Variants in JAK1 observed in about 807,000 individuals in gnomAD.
JAK1 encodes Janus kinase 1.
In JAK1, 16 loss-of-function variants were observed where a neutral mutation model predicts 136.6. The ratio of observed to expected loss-of-function variants is 0.12; its 90% confidence interval spans 0.08 to 0.18. JAK1 has a LOEUF of 0.18. JAK1 is among the 10% of genes least tolerant of loss of function. The pLI is 1.00. For missense variants in JAK1, 859 were observed against 1,450.1 expected (o/e 0.59, Z 6.62); for synonymous variants, 492 against 519.5 (o/e 0.95, Z 0.72).
At chr1:65,012,093 G>A (rs2100772311) in intron 2 of JAK1, among the ~76,000 whole-genome samples, 1 of 152,310 alleles carries the variant, frequency 6.6e-6, no homozygotes, top group East Asian at 1.9e-4. Context: ...CACAGAACCT[G>A]GCTCAGCTGA....
At chr1:64,977,280 C>T (rs1480222550) in intron 2 of JAK1, among the ~76,000 whole-genome samples, 1 of 152,030 alleles carries the variant, frequency 6.6e-6, no homozygotes, top group Non-Finnish European at 1.5e-5. Context: ...TCCCAAGTAG[C>T]TATGACTGCA....
chr1:64,970,776 A>T (rs1646444811), upstream of JAK1, among the ~76,000 whole-genome samples: 1 of 151,696 alleles, frequency 6.6e-6, no homozygotes, highest in Non-Finnish European at 1.5e-5. Context: ...AAAAAAAAAA[A>T]TGCCACTCAG....
intron 5 of JAK1, among the ~76,000 whole-genome samples, chr1:64,873,019 C>T (rs1203163718): frequency 1.3e-5 from 2 of 152,276 alleles, no homozygotes; most frequent in Non-Finnish European, 2.9e-5. Context: ...GAAGTGCCTT[C>T]TTCAGCCCTG....
At chr1:64,906,843 C>G (rs1363227826) in intron 1 of JAK1, among the ~76,000 whole-genome samples, 1 of 152,186 alleles carries the variant, frequency 6.6e-6, no homozygotes, top group Admixed American at 6.5e-5. Flanking sequence ...TGCTATTCCA[C>G]ACTACCTCTT....
intron 1 of JAK1, among the ~76,000 whole-genome samples, chr1:64,920,988 C>T (rs1456332638): frequency 6.6e-6 from 1 of 152,118 alleles, no homozygotes; most frequent in African/African-American, 2.4e-5. Context: ...TTTATAAATG[C>T]TATGCTTTAA....
chr1:64,856,721 C>A (rs1474773097), intron 10 of JAK1, among the ~76,000 whole-genome samples: 1 of 152,232 alleles, frequency 6.6e-6, no homozygotes, highest in Admixed American at 6.5e-5. Flanking sequence ...CGAGGCCCAG[C>A]TGTTCAGCAA....
At chr1:64,893,466 C>A (rs565952413) in intron 1 of JAK1, among the ~76,000 whole-genome samples, 1 of 152,274 alleles carries the variant, frequency 6.6e-6, no homozygotes, top group East Asian at 1.9e-4. Flanking sequence ...TTGGAGTCAC[C>A]CTAACCTGGG....
intron 8 of JAK1, among the ~76,000 whole-genome samples, chr1:64,861,764 G>GGA (rs1490357450): frequency 6.6e-6 from 1 of 152,146 alleles, no homozygotes; most frequent in Non-Finnish European, 1.5e-5. Context: ...CTATGAGGAA[G>GGA]GAGGCCTGGA....
chr1:64,864,068 G>C (rs1182849966), intron 8 of JAK1, among the ~76,000 whole-genome samples: 1 of 152,174 alleles, frequency 6.6e-6, no homozygotes, highest in Non-Finnish European at 1.5e-5. Context: ...CGTATCACCA[G>C]GCTCTTCCTC....
At chr1:65,003,306 G>T (rs974394214) in intron 2 of JAK1, among the ~76,000 whole-genome samples, 4 of 152,010 alleles carry the variant, frequency 2.6e-5, no homozygotes, top group Admixed American at 2.0e-4. Flanking sequence ...TCACGAGCTC[G>T]CTGGCCCGCC....
chr1:64,995,610 C>T (rs1014997403), intron 2 of JAK1, among the ~76,000 whole-genome samples: 1 of 152,084 alleles, frequency 6.6e-6, no homozygotes, highest in Non-Finnish European at 1.5e-5. Context: ...AAACTATTTC[C>T]CCTAATACTT....
At chr1:64,908,428 G>A (rs996114129) in intron 1 of JAK1, among the ~76,000 whole-genome samples, 2 of 152,016 alleles carry the variant, frequency 1.3e-5, no homozygotes, top group African/African-American at 4.8e-5. Flanking sequence ...CTTTCAATAT[G>A]TTCAGGCAAG....
At chr1:64,945,643 A>G (rs1022891707) in intron 1 of JAK1, among the ~76,000 whole-genome samples, 1 of 151,100 alleles carries the variant, frequency 6.6e-6, no homozygotes, top group African/African-American at 2.5e-5. Flanking sequence ...TGAGAAGAGC[A>G]CTTAAGGAAA....
intron 1 of JAK1, among the ~76,000 whole-genome samples, chr1:64,915,331 G>GAT (rs952953379): frequency 6.6e-6 from 1 of 152,114 alleles, no homozygotes; most frequent in Non-Finnish European, 1.5e-5. Flanking sequence ...AAAGTAGTTG[G>GAT]ATATGTAAAA....
chr1:64,957,650 A>T (rs1388055902), intron 1 of JAK1, among the ~76,000 whole-genome samples: 2 of 151,804 alleles, frequency 1.3e-5, no homozygotes, highest in Non-Finnish European at 2.9e-5. Context: ...CTCTACTAAA[A>T]ATACAAAAAA....
chr1:64,973,258 A>G (rs1646469175), intron 2 of JAK1: 1 of 151,178 alleles, frequency 6.6e-6, no homozygotes, highest in Admixed American at 6.6e-5. Flanking sequence ...AGAAAGAGAG[A>G]AAGAAAGACG....
At chr1:65,065,267 CAG>C (rs1557783477) in intron 1 of JAK1, among the ~76,000 whole-genome samples, 1 of 152,178 alleles carries the variant, frequency 6.6e-6, no homozygotes, top group African/African-American at 2.4e-5. Context: ...GGGGAAAACT[CAG>C]AGTGTTACTT....
chr1:65,037,164 T>C (rs1569922733), intron 2 of JAK1, among the ~76,000 whole-genome samples: 1 of 152,012 alleles, frequency 6.6e-6, no homozygotes, highest in African/African-American at 2.4e-5. Context: ...CCAGCCTGGG[T>C]GACAGAGCAA....
chr1:64,956,329 G>A (rs1013391117), intron 1 of JAK1, among the ~76,000 whole-genome samples: 5 of 152,172 alleles, frequency 3.3e-5, no homozygotes, highest in Non-Finnish European at 7.3e-5. Context: ...TTAAATGGGA[G>A]GTGTCAAAGG....
Sources: allele counts gnomAD v4.1 joint callset (sites outside exome capture counted in the v4.1 genomes callset), GRCh38; gene constraint gnomAD v4.1.1; transcripts MANE v1.5; gene names NCBI Gene and HGNC (gene_info 2026-07-23, HGNC 2026-07-21).